Variants in NALCN observed in about 807,000 individuals in gnomAD.
The protein encoded by NALCN is sodium leak channel, non-selective.
Under a neutral mutation model 225.3 loss-of-function variants are expected in NALCN, and 111 were observed. The ratio of observed to expected loss-of-function variants is 0.49; its 90% CI spans 0.42 to 0.58. NALCN has a LOEUF of 0.58. Among genes scored for constraint, NALCN ranks in the 20% least tolerant of loss-of-function variants. The pLI is 0.00. For synonymous variants in NALCN, 764 were observed against 769.0 expected (o/e 0.99, Z 0.11); for missense variants, 1,378 against 2,202.4 (o/e 0.63, Z 7.49).
chr13:101,103,168 A>G lies in NALCN; in HGVS notation c.3057+4T>C. On this transcript the variant is annotated splice_donor_region_variant and intron_variant, in intron 26 of 43. Coordinates refer to ENST00000251127, the MANE Select transcript of NALCN (RefSeq NM_052867.4). ...ACTGGAATCAAAGGATAATTCTCAC[A>G]TACCAAAAAAATTTCCTTGAAGCCG... 1.2e-6 allele frequency: 2 copies of G among 1,611,860 alleles called. No individual in the cohort carries two copies. Among genetic ancestry groups the G allele is most frequent in the South Asian group, 1.1e-5 (1 of 90,552 alleles).
chr13:101,312,617 T>A (rs1007956354), intron 7 of NALCN, among the ~76,000 whole-genome samples: 2 of 152,230 alleles, frequency 1.3e-5, no homozygotes, highest in African/African-American at 4.8e-5. Flanking sequence ...TTTCATTATG[T>A]ACCCAGTATT....
rs78517524 is a variant in NALCN, at chr13:101,340,528, C to G, written c.799+4738G>C. 2.5e-3 allele frequency among the ~76,000 whole-genome samples: 378 copies of G among 152,328 alleles called. 3 individuals carry two copies. The East Asian group carries it at 0.052, about 21-fold the overall frequency. On this transcript the variant is annotated intron_variant, in intron 7 of 43. Coordinates refer to ENST00000251127, the MANE Select transcript of NALCN (RefSeq NM_052867.4). Reference sequence around the variant, plus strand: ...GCGTTTGTTCTACGCTACACGTACTCTAAGTGTAGTTTCTCAGTTGCTCTT... The same window carrying G: ...GCGTTTGTTCTACGCTACACGTACTGTAAGTGTAGTTTCTCAGTTGCTCTT...
intron 1 of NALCN, among the ~76,000 whole-genome samples, chr13:101,401,471 T>C (rs2047477628): frequency 6.6e-6 from 1 of 152,130 alleles, no homozygotes; most frequent in African/African-American, 2.4e-5. Context: ...CTTCAAAGAT[T>C]ATATAAGGAA....
chr13:101,145,002 T>C (rs1052630631), intron 15 of NALCN, 106 bp from the exon 16 acceptor site: 35 of 1,264,888 alleles, frequency 2.8e-5, no homozygotes, highest in African/African-American at 1.1e-4. Flanking sequence ...TTACATGAAA[T>C]GCCAGTAGAT....
At chr13:101,266,598 A>G (rs2042604814) in intron 10 of NALCN, among the ~76,000 whole-genome samples, 1 of 152,218 alleles carries the variant, frequency 6.6e-6, no homozygotes. Flanking sequence ...TCAACTTAGT[A>G]AAACAAAGTC....
chr13:101,121,514 C>G (rs1292963551), intron 18 of NALCN, among the ~76,000 whole-genome samples: 1 of 152,114 alleles, frequency 6.6e-6, no homozygotes, highest in Non-Finnish European at 1.5e-5. Context: ...CTTTTTCAAG[C>G]CTCCCTATAC....
chr13:101,166,885 AT>A (rs2038466052), intron 15 of NALCN, among the ~76,000 whole-genome samples: 1 of 152,168 alleles, frequency 6.6e-6, no homozygotes, highest in Admixed American at 6.5e-5. Context: ...TTTTGAGCTA[AT>A]TTTTATATAT....
intron 10 of NALCN, among the ~76,000 whole-genome samples, chr13:101,272,308 G>A (rs936768370): frequency 1.3e-5 from 2 of 152,178 alleles, no homozygotes; most frequent in African/African-American, 4.8e-5. Context: ...GCATGCGTGA[G>A]CATTTGGGGG....
chr13:101,362,584 A>T (rs1351468465), intron 6 of NALCN, among the ~76,000 whole-genome samples: 1 of 152,122 alleles, frequency 6.6e-6, no homozygotes, highest in Non-Finnish European at 1.5e-5. Flanking sequence ...TAAAAGGGGT[A>T]TACCTCAAAA....
chr13:101,290,917 C>T (rs2139043314), intron 9 of NALCN, among the ~76,000 whole-genome samples: 1 of 152,252 alleles, frequency 6.6e-6, no homozygotes, highest in Non-Finnish European at 1.5e-5. Flanking sequence ...TTTTCTCTCT[C>T]TTTTATAAAG....
At chr13:101,128,264 C>A (rs1743500218) in intron 17 of NALCN, among the ~76,000 whole-genome samples, 1 of 152,128 alleles carries the variant, frequency 6.6e-6, no homozygotes, top group African/African-American at 2.4e-5. Context: ...ATTAATAACT[C>A]AAAACAAGTA....
At chr13:101,158,297 A>G (rs1216258912) in intron 15 of NALCN, among the ~76,000 whole-genome samples, 9 of 152,200 alleles carry the variant, frequency 5.9e-5, no homozygotes, top group Non-Finnish European at 4.4e-5. Flanking sequence ...TCCTAAGAGA[A>G]AGAGAATCTT....
intron 12 of NALCN, among the ~76,000 whole-genome samples, chr13:101,232,527 G>A (rs2041389508): frequency 6.6e-6 from 1 of 150,382 alleles, no homozygotes; most frequent in Admixed American, 6.7e-5. Flanking sequence ...CTCACTGCAA[G>A]CTCCACCTCC....
chr13:101,069,371 A>C (rs1161116221), intron 37 of NALCN, among the ~76,000 whole-genome samples: 1 of 152,244 alleles, frequency 6.6e-6, no homozygotes, highest in Non-Finnish European at 1.5e-5. Flanking sequence ...TATTAAGTGC[A>C]CAATGGCATT....
chr13:101,144,615 A>ATAGAGG, intron 16 of NALCN, 145 bp downstream of exon 16: 2 of 645,340 alleles, frequency 3.1e-6, no homozygotes, highest in Non-Finnish European at 4.8e-6. Context: ...TTTATTTTAA[A>ATAGAGG]TAGAGGTAGA....
chr13:101,162,606 G>A (rs17621742), intron 15 of NALCN, among the ~76,000 whole-genome samples: 11,097 of 152,202 alleles, frequency 0.073, 489 homozygotes, highest in East Asian at 0.19. Flanking sequence ...GCCAGGCACC[G>A]CATAAAACTG....
intron 28 of NALCN, among the ~76,000 whole-genome samples, chr13:101,092,722 C>T (rs1054081875): frequency 3.3e-5 from 5 of 152,036 alleles, no homozygotes; most frequent in African/African-American, 1.2e-4. Flanking sequence ...GGGTAGGACC[C>T]CTCTTTTGTA....
chr13:101,129,107 C>T (rs1594266518), intron 17 of NALCN, among the ~76,000 whole-genome samples: 1 of 152,056 alleles, frequency 6.6e-6, no homozygotes, highest in South Asian at 2.1e-4. Context: ...GACTTCATTC[C>T]GTTTGCAAAA....
chr13:101,114,618 G>A (rs1021246295), intron 18 of NALCN, among the ~76,000 whole-genome samples: 11 of 152,146 alleles, frequency 7.2e-5, no homozygotes, highest in African/African-American at 2.2e-4. Flanking sequence ...ACAACCATGC[G>A]ATTGAGTGGG....
Sources: allele counts gnomAD v4.1 joint callset (sites outside exome capture counted in the v4.1 genomes callset), GRCh38; gene constraint gnomAD v4.1.1; transcripts MANE v1.5; gene names NCBI Gene and HGNC (gene_info 2026-07-23, HGNC 2026-07-21).